The following WWOX variants were observed in gnomAD, a reference collection of about 807,000 sequenced individuals.
WWOX encodes WW domain containing oxidoreductase, also known as WW domain-containing oxidoreductase.
WWOX carries 69 observed loss-of-function variants against 46.2 expected under a neutral mutation model. The observed-to-expected ratio is 1.49, with a 90% CI of 1.23 to 1.82. The LOEUF (loss-of-function observed/expected upper bound fraction) is 1.82. Ranked by LOEUF, WWOX falls within the 40% of genes most tolerant of loss-of-function variation. The pLI is 0.00. For missense variants in WWOX, 919 were observed against 542.6 expected (o/e 1.69, Z -6.89); for synonymous variants, 359 against 202.6 (o/e 1.77, Z -6.56).
At chr16:78,624,850 C>G (rs544019366) in intron 8 of WWOX, among the ~76,000 whole-genome samples, 125 of 152,294 alleles carry the variant, frequency 8.2e-4, no homozygotes, top group Non-Finnish European at 1.5e-3. Context: ...GAGCAGATAT[C>G]GTATGAACAT....
chr16:78,667,079 C>G (rs959348334), intron 8 of WWOX, among the ~76,000 whole-genome samples: 9 of 152,132 alleles, frequency 5.9e-5, no homozygotes, highest in Non-Finnish European at 1.0e-4. Flanking sequence ...AGTATCGGAT[C>G]TTTGTGTACT....
chr16:78,609,483 A>C (rs2045845913), intron 8 of WWOX, among the ~76,000 whole-genome samples: 1 of 152,112 alleles, frequency 6.6e-6, no homozygotes, highest in Admixed American at 6.5e-5. Flanking sequence ...AAAGAAAAAA[A>C]AAAATGTTTT....
chr16:78,934,371 T>TGGTGGTGC (rs1358165778), intron 8 of WWOX, among the ~76,000 whole-genome samples: 2 of 125,350 alleles, frequency 1.6e-5, no homozygotes, highest in Non-Finnish European at 3.4e-5. Context: ...TAGCCAGGTG[T>TGGTGGTGC]GGTGGTGCAT....
intron 5 of WWOX, among the ~76,000 whole-genome samples, chr16:78,310,177 T>A (rs528023922): frequency 6.6e-6 from 1 of 152,234 alleles, no homozygotes; most frequent in African/African-American, 2.4e-5. Context: ...TAATACAGAA[T>A]TTTCCGTAAG....
At chr16:78,755,912 G>C (rs1262439704) in intron 8 of WWOX, among the ~76,000 whole-genome samples, 6 of 152,134 alleles carry the variant, frequency 3.9e-5, no homozygotes, top group African/African-American at 1.4e-4. Context: ...ATTTTTGTCA[G>C]GACGCTATGA....
chr16:79,112,582 G>A (rs1212560207), intron 8 of WWOX, among the ~76,000 whole-genome samples: 6 of 152,130 alleles, frequency 3.9e-5, no homozygotes, highest in African/African-American at 1.4e-4. Flanking sequence ...CACTGATGCA[G>A]ATATTTCTGA....
At chr16:78,346,685 T>C (rs1029698683) in intron 5 of WWOX, among the ~76,000 whole-genome samples, 1 of 119,796 alleles carries the variant, frequency 8.3e-6, no homozygotes, top group Non-Finnish European at 2.0e-5. Flanking sequence ...ACTATGCTTA[T>C]TGCTCATATC....
intron 8 of WWOX, among the ~76,000 whole-genome samples, chr16:78,623,585 G>T (rs1356028307): frequency 6.6e-6 from 1 of 152,032 alleles, no homozygotes; most frequent in Admixed American, 6.6e-5. Context: ...GAGGCTGAGG[G>T]ATGAGAATCA....
intron 8 of WWOX, among the ~76,000 whole-genome samples, chr16:79,118,356 C>T (rs924779962): frequency 6.6e-6 from 1 of 151,726 alleles, no homozygotes; most frequent in Non-Finnish European, 1.5e-5. Context: ...TTGTGGTGCC[C>T]CAAAAAATGA....
chr16:78,882,052 G>C (rs957165213), intron 8 of WWOX, among the ~76,000 whole-genome samples: 3 of 149,046 alleles, frequency 2.0e-5, no homozygotes, highest in Non-Finnish European at 4.5e-5. Flanking sequence ...CTTGAGCCCG[G>C]GAGACGGAGG....
chr16:78,432,197 A>T (rs1055060032), intron 7 of WWOX, among the ~76,000 whole-genome samples: 39 of 151,382 alleles, frequency 2.6e-4, no homozygotes, highest in African/African-American at 8.0e-4. Context: ...TGCTCACTGC[A>T]ACCTCTGCCT....
chr16:78,335,517 C>T (rs901657988), intron 5 of WWOX, among the ~76,000 whole-genome samples: 8 of 152,208 alleles, frequency 5.3e-5, no homozygotes, highest in East Asian at 1.9e-4. Flanking sequence ...TTTCTTCATC[C>T]TATCATTTAT....
chr16:78,368,504 G>C (rs1164864504), intron 5 of WWOX, among the ~76,000 whole-genome samples: 1 of 152,150 alleles, frequency 6.6e-6, no homozygotes, highest in Non-Finnish European at 1.5e-5. Flanking sequence ...ACCCCATAAG[G>C]CTGCAAGCGC....
In WWOX at chr16:79,211,882, C is replaced by G. The variant is rs769464007; in HGVS notation, c.*86C>G. On this transcript the variant is annotated 3_prime_UTR_variant, in exon 9 of 9. Coordinates refer to ENST00000566780, the MANE Select transcript of WWOX (RefSeq NM_016373.4). Reference sequence around the variant, plus strand: ...CCAGGGCTGGGCCCCTTCCAAATGTCCCTCCAACACAGATCCGCAAGAGTA... The same window carrying G: ...CCAGGGCTGGGCCCCTTCCAAATGTGCCTCCAACACAGATCCGCAAGAGTA... The G allele has an allele frequency of 5.7e-6, 9 of 1,583,152 alleles. No homozygotes were observed. Among genetic ancestry groups the G allele is most frequent in the Non-Finnish European group, 7.7e-6 (9 of 1,166,998 alleles).
At chr16:78,833,910 A>G (rs2051902399) in intron 8 of WWOX, among the ~76,000 whole-genome samples, 1 of 152,248 alleles carries the variant, frequency 6.6e-6, no homozygotes, top group Non-Finnish European at 1.5e-5. Flanking sequence ...CCAGTGGAAT[A>G]TAAGTTCTTT....
Position 78,517,515 on chromosome 16 carries a change from A to G in WWOX, c.1056+84763A>G, listed in dbSNP as rs141235941. ...CATTATGGCATCCTAATGAATGTCTACTGAATTATGTGGGATTCAACAGGG... is the reference window on the plus strand; with the variant it reads ...CATTATGGCATCCTAATGAATGTCTGCTGAATTATGTGGGATTCAACAGGG... On this transcript the variant is annotated intron_variant, in intron 8 of 8. Transcript: ENST00000566780. Among the ~76,000 whole-genome samples, 497 of 152,336 alleles carry G rather than the reference A, an allele frequency of 3.3e-3. 2 individuals are homozygous for G. Among genetic ancestry groups the G allele is most frequent in the Non-Finnish European group, 4.9e-3 (333 of 68,032 alleles).
At chr16:78,100,447 T>G (rs139466579) in intron 1 of WWOX, among the ~76,000 whole-genome samples, 4 of 152,246 alleles carry the variant, frequency 2.6e-5, no homozygotes, top group African/African-American at 9.6e-5. Flanking sequence ...GAGACTAGGG[T>G]CGCACCATGT....
chr16:78,900,160 G>A (rs994932107), intron 8 of WWOX, among the ~76,000 whole-genome samples: 8 of 144,026 alleles, frequency 5.6e-5, no homozygotes, highest in South Asian at 2.2e-4. Flanking sequence ...GTAACAAACC[G>A]TTCATCATTT....
chr16:78,170,126 G>T (rs2035107232), intron 5 of WWOX, among the ~76,000 whole-genome samples: 1 of 152,084 alleles, frequency 6.6e-6, no homozygotes, highest in Non-Finnish European at 1.5e-5. Flanking sequence ...AAGTATGTTT[G>T]TGGCAACCAA....
Sources: gnomAD v4.1 joint callset for allele counts (sites outside exome capture counted in the v4.1 genomes callset) on GRCh38, gnomAD v4.1.1 for gene constraint, MANE v1.5 for transcripts, NCBI Gene and HGNC (gene_info 2026-07-23, HGNC 2026-07-21) for gene names.